STXBP2: variants seen among roughly 807,000 people sequenced by gnomAD.
The protein encoded by STXBP2 is syntaxin-binding protein 2.
Under a neutral mutation model 72.2 loss-of-function variants are expected in STXBP2, and 47 were observed. The observed-to-expected ratio is 0.65, with a 90% CI of 0.51 to 0.83. The LOEUF is 0.83. STXBP2 is among the 40% of genes least tolerant of loss of function. The pLI is 0.00. For synonymous variants in STXBP2, 367 were observed against 338.7 expected (o/e 1.08, Z -0.92); for missense variants, 702 against 807.6 (o/e 0.87, Z 1.58).
chr19:7,632,770 T>G (rs1314670987), upstream of STXBP2: 1 of 1,568,204 alleles, frequency 6.4e-7, no homozygotes, highest in African/African-American at 1.4e-5. The surrounding 1 kb of genome is among the most constrained non-coding windows in gnomAD (Gnocchi z 5.2). Context: ...TGTCCCTCCA[T>G]CCGGTCGCCC....
chr19:7,646,212 C>T (rs2032130167), intron 15 of STXBP2, 37 bp from the exon 16 acceptor site: 1 of 1,558,900 alleles, frequency 6.4e-7, no homozygotes, highest in Non-Finnish European at 8.7e-7. Context: ...CCTCCTTCCC[C>T]TCAATCCCCC....
At position 7,647,851 on chromosome 19, in the gene STXBP2, A is replaced by T; in HGVS notation, c.*41A>T. ...CCTACCCCTCCCTTTCCAGAGAAATAAACTCTTCCCGTCGCTCTGCCAGCC... is the reference window on the plus strand; with the variant it reads ...CCTACCCCTCCCTTTCCAGAGAAATTAACTCTTCCCGTCGCTCTGCCAGCC... On this transcript the variant is annotated 3_prime_UTR_variant, in exon 19 of 19. Coordinates refer to ENST00000221283, the MANE Select transcript of STXBP2 (RefSeq NM_006949.4). The T allele has an allele frequency of 6.4e-7, 1 of 1,557,304 alleles. No homozygotes were observed. Among genetic ancestry groups the T allele is most frequent in the Non-Finnish European group, 8.8e-7 (1 of 1,131,898 alleles).
In STXBP2 at chr19:7,642,543, G is replaced by A; in HGVS notation, c.902+7G>A. The A allele has an allele frequency of 6.2e-7, 1 of 1,613,138 alleles. No individual in the cohort carries two copies. The highest frequency in any genetic ancestry group is 1.7e-5 in the Admixed American group (1 of 59,944). Reference sequence around the variant, plus strand: ...ATATCGCAGATGTGTCCAAGTGCGTGCACACGGGGACCGGATCCCCCCCCC... The same window carrying A: ...ATATCGCAGATGTGTCCAAGTGCGTACACACGGGGACCGGATCCCCCCCCC... On this transcript the variant is annotated splice_region_variant and intron_variant, in intron 10 of 18. Coordinates refer to ENST00000221283, the MANE Select transcript of STXBP2 (RefSeq NM_006949.4). This position sits in a 1 kb window ranked among gnomAD's most constrained non-coding sequence, Gnocchi z 6.0.
upstream of STXBP2, chr19:7,633,542 G>T (rs1357629060): frequency 1.5e-6 from 2 of 1,356,188 alleles, no homozygotes; most frequent in Non-Finnish European, 2.1e-6. Context: ...GGACGTGGGG[G>T]TGTGGATTCC....
At chr19:7,637,450 G>T (rs1364817999) in intron 1 of STXBP2, among the ~76,000 whole-genome samples, 1 of 152,100 alleles carries the variant, frequency 6.6e-6, no homozygotes, top group Non-Finnish European at 1.5e-5. Context: ...GCTGGGGCCC[G>T]GACTCCTGGG....
intron 14 of STXBP2, 118 bp from the exon 15 acceptor site, chr19:7,645,079 T>C: frequency 6.8e-7 from 1 of 1,459,896 alleles, no homozygotes; most frequent in South Asian, 1.2e-5. Flanking sequence ...ACTGAGGCCC[T>C]CCCCACTGCA....
chr19:7,630,833 G>C, the STXBP2 span: 2 of 1,537,240 alleles, frequency 1.3e-6, no homozygotes, highest in African/African-American at 2.7e-5. Context: ...AGGGAGCTGT[G>C]GCCACCTGAG....
upstream of STXBP2, chr19:7,633,516 G>T: frequency 1.3e-6 from 2 of 1,529,990 alleles, no homozygotes; most frequent in South Asian, 2.4e-5. Context: ...GCCAGAGAGG[G>T]CCTTTTAAAC....
chr19:7,646,429 A>T, intron 16 of STXBP2, 85 bp downstream of exon 16: 3 of 1,236,268 alleles, frequency 2.4e-6, no homozygotes, highest in Non-Finnish European at 3.5e-6. Flanking sequence ...GCTAAGCCTC[A>T]GGGCTTAGGG....
chr19:7,643,759 G>T (rs548153888), intron 13 of STXBP2, among the ~76,000 whole-genome samples: 2 of 151,556 alleles, frequency 1.3e-5, no homozygotes, highest in East Asian at 3.9e-4. Context: ...GGTGGGACCT[G>T]GGTGAGGGGT....
At chr19:7,633,284 C>T (rs2146197604), upstream of STXBP2, 6 of 1,046,944 alleles carry the variant, frequency 5.7e-6, no homozygotes, top group Non-Finnish European at 5.6e-6. Flanking sequence ...TTTCTACAGC[C>T]ACAACTGGGT....
chr19:7,641,253 C>T, intron 6 of STXBP2: 2 of 556,682 alleles, frequency 3.6e-6, no homozygotes, highest in South Asian at 3.8e-5. Context: ...ACCTGTAGTC[C>T]TAGCTACTCA....
chr19:7,638,651 C>T, intron 1 of STXBP2, 75 bp from the exon 2 acceptor site: 3 of 1,521,148 alleles, frequency 2.0e-6, no homozygotes, highest in Non-Finnish European at 2.7e-6. Flanking sequence ...GGTTCAGCCC[C>T]AAGGCTGAGA....
At chr19:7,630,650 A>G in the STXBP2 span, 2 of 1,537,154 alleles carry the variant, frequency 1.3e-6, no homozygotes, top group Non-Finnish European at 1.7e-6. Flanking sequence ...ACGATGTCAT[A>G]CAGCGCAAGG....
At chr19:7,638,907 TCCCA>T in intron 2 of STXBP2, 108 bp from the exon 3 acceptor site, 10 of 1,559,376 alleles carry the variant, frequency 6.4e-6, no homozygotes, top group Non-Finnish European at 8.8e-6. Flanking sequence ...TTCTGGGTCC[TCCCA>T]CCCAGCCAGC....
the STXBP2 span, chr19:7,631,411 G>A: frequency 3.4e-6 from 3 of 886,148 alleles, no homozygotes; most frequent in East Asian, 8.7e-5. Context: ...GGGGGGGGTG[G>A]TCCCGGCTCT....
At chr19:7,644,810 C>T (rs2032066176) in intron 14 of STXBP2, 58 bp downstream of exon 14, 1 of 1,611,224 alleles carries the variant, frequency 6.2e-7, no homozygotes. Context: ...TCCCACGATC[C>T]TGGGAACTGC....
chr19:7,646,138 C>A, intron 15 of STXBP2, 111 bp from the exon 16 acceptor site: 1 of 797,498 alleles, frequency 1.3e-6, no homozygotes, highest in Non-Finnish European at 2.1e-6. Flanking sequence ...TGTTCCACTT[C>A]CCCATCTTTG....
In STXBP2 at chr19:7,647,829, A is replaced by G; in HGVS notation, c.*19A>G. 6.3e-7 allele frequency: 1 copy of G among 1,591,080 alleles called. No individual in the cohort carries two copies. The highest frequency in any genetic ancestry group is 8.6e-7 in the Non-Finnish European group (1 of 1,163,552). On this transcript the variant is annotated 3_prime_UTR_variant, in exon 19 of 19. Transcript: ENST00000221283. The stretch of plus-strand genomic sequence containing the variant: ...GCCCTGACCCCTGGCCCCGCCCCCT[A>G]CCCCTCCCTTTCCAGAGAAATAAAC...
Sources: allele counts gnomAD v4.1 joint callset (sites outside exome capture counted in the v4.1 genomes callset), GRCh38; gene constraint gnomAD v4.1.1; non-coding constraint Gnocchi (gnomAD v3.1); transcripts MANE v1.5; gene names NCBI Gene and HGNC (gene_info 2026-07-23, HGNC 2026-07-21).